Variants in OR5H1 observed in about 807,000 individuals in gnomAD.
OR5H1 encodes olfactory receptor family 5 subfamily H member 1, also known as olfactory receptor 5H1.
For missense variants in OR5H1, 378 were observed against 366.8 expected (o/e 1.03, Z -0.25); for synonymous variants, 124 against 134.4 (o/e 0.92, Z 0.54).
At chr3:98,132,635 A>G in intron 1 of OR5H1, 45 bp from the exon 2 acceptor site, 2 of 1,589,654 alleles carry the variant, frequency 1.3e-6, no homozygotes, top group Non-Finnish European at 1.7e-6. Flanking sequence ...TCAACTGATA[A>G]TGCCATTGCA....
chr3:98,138,326 C>T lies in OR5H1; in HGVS notation c.*4687C>T, dbSNP rs1038184624. On this transcript the variant is annotated 3_prime_UTR_variant, in exon 2 of 2. Coordinates refer to ENST00000641874, the MANE Select transcript of OR5H1 (RefSeq NM_001005338.2). Reference sequence around the variant, plus strand: ...TAACAACAGTTGCTAGGTGAGGGGTCGAATTTTAACAACCAGGCTTAGGTC... The same window carrying T: ...TAACAACAGTTGCTAGGTGAGGGGTTGAATTTTAACAACCAGGCTTAGGTC... 3.3e-5 allele frequency: 5 copies of T among 152,258 alleles called. No homozygotes were observed. The highest frequency in any genetic ancestry group is 1.3e-4 in the Admixed American group (2 of 15,290). The allele number at this position is 152,258 out of a possible 1,614,324, so 9.4% of individuals were successfully genotyped here.
rs1708246956 is a variant in OR5H1 at position 98,130,780 on chromosome 3, C to T, written c.-89C>T. ...TACCTGTATTATTGACATTGCTGTG[C>T]TACTGTATGTATTTTTGTTTAGAAA... On this transcript the variant is annotated 5_prime_UTR_variant, in exon 1 of 2. Transcript: ENST00000641874. 6.6e-6 allele frequency: 1 copy of T among 152,126 alleles called. No homozygotes were observed. The highest frequency in any genetic ancestry group is 1.5e-5 in the Non-Finnish European group (1 of 68,010). The allele number at this position is 152,126 out of a possible 1,614,324, so 9.4% of individuals were successfully genotyped here. A position where few individuals can be genotyped will look rare whatever the true frequency, so the allele number is the denominator to read the frequency against.
intron 1 of OR5H1, 126 bp from the exon 2 acceptor site, chr3:98,132,554 T>G: frequency 9.7e-7 from 1 of 1,028,006 alleles, no homozygotes; most frequent in Non-Finnish European, 1.4e-6. Flanking sequence ...ATTCATCAGC[T>G]ATAGGACTGA....
In OR5H1 at chr3:98,134,660, T is replaced by C. The variant is rs1461070894; in HGVS notation, c.*1021T>C. On this transcript the variant is annotated 3_prime_UTR_variant, in exon 2 of 2. Coordinates refer to ENST00000641874, the MANE Select transcript of OR5H1 (RefSeq NM_001005338.2). Reference sequence around the variant, plus strand: ...TCGGAAAGTCATTGATTGTTAACCTTCTTAACACTTCTTGTACTTCAAGTA... The same window carrying C: ...TCGGAAAGTCATTGATTGTTAACCTCCTTAACACTTCTTGTACTTCAAGTA... The C allele has an allele frequency of 6.6e-6, 1 of 152,140 alleles. No individual in the cohort carries two copies. Among genetic ancestry groups the C allele is most frequent in the Non-Finnish European group, 1.5e-5 (1 of 67,990 alleles). The allele number at this position is 152,140 out of a possible 1,614,324, so 9.4% of individuals were successfully genotyped here. A position where few individuals can be genotyped will look rare whatever the true frequency, so the allele number is the denominator to read the frequency against.
intron 1 of OR5H1, 125 bp from the exon 2 acceptor site, chr3:98,132,555 A>C (rs1576096385): frequency 1.9e-6 from 2 of 1,036,240 alleles, no homozygotes; most frequent in Non-Finnish European, 2.8e-6. Context: ...TTCATCAGCT[A>C]TAGGACTGAT....
chr3:98,133,703 T>C lies in OR5H1; in HGVS notation c.*64T>C. On this transcript the variant is annotated 3_prime_UTR_variant, in exon 2 of 2. Coordinates refer to ENST00000641874, the MANE Select transcript of OR5H1 (RefSeq NM_001005338.2). ...GCAAGTTAGAGGTACCTATGTTGTT[T>C]CCAGTGTTCAAACATTTTTGCAAGT... 1 of 1,370,316 alleles carries C rather than the reference T, an allele frequency of 7.3e-7. No individual in the cohort carries two copies. The highest frequency in any genetic ancestry group is 1.9e-5 in the Admixed American group (1 of 52,704). 84.9% of individuals were successfully genotyped at this position (1,370,316 alleles called of 1,614,324 possible). A position where few individuals can be genotyped will look rare whatever the true frequency, so the allele number is the denominator to read the frequency against.
In OR5H1 at chr3:98,132,743, G is replaced by A. The variant is rs757250352; in HGVS notation, c.46G>A (p.Gly16Arg). 3 of 1,613,332 alleles carry A rather than the reference G, an allele frequency of 1.9e-6. No homozygotes were observed. The highest frequency in any genetic ancestry group is 1.1e-5 in the South Asian group (1 of 91,026). The change falls in exon 2 of 2, where the codon GGA (glycine) becomes AGA (arginine). Residue 16 changes from glycine to arginine, a missense_variant. By Grantham distance (125) the Gly-to-Arg change is moderately radical. Coordinates refer to ENST00000641874, the MANE Select transcript of OR5H1 (RefSeq NM_001005338.2). ...ATLLTEFVLT[G>R]FLYQPQWKIP... ...ATTGCTGACAGAGTTTGTTCTCACA[G>A]GATTTTTATATCAACCACAGTGGAA...
At position 98,133,680 on chromosome 3, in the gene OR5H1, AAGT is replaced by A. The variant is rs1364454560; in HGVS notation, c.*42_*44del. On this transcript the variant is annotated 3_prime_UTR_variant, in exon 2 of 2. Transcript: ENST00000641874. ...TACAAAAATAGTCACAAAATTATGC[AAGT>A]TAGAGGTACCTATGTTGTTTCCAGT... 4.7e-6 allele frequency: 7 copies of A among 1,489,006 alleles called. No homozygotes were observed. The African/African-American group carries it at 8.3e-5, about 18-fold the overall frequency. The allele number at this position is 1,489,006 out of a possible 1,614,324, so 92.2% of individuals were successfully genotyped here.
In OR5H1 at chr3:98,133,122, TC is replaced by T. The variant is rs1238523264; in HGVS notation, c.427del (p.Arg143GlyfsTer3). 6.2e-7 allele frequency: 1 copy of T among 1,613,512 alleles called. No individual in the cohort carries two copies. The highest frequency in any genetic ancestry group is 8.5e-7 in the Non-Finnish European group (1 of 1,179,696). On this transcript the variant is annotated frameshift_variant, in exon 2 of 2. Coordinates refer to ENST00000641874, the MANE Select transcript of OR5H1 (RefSeq NM_001005338.2). LOFTEE classifies it low-confidence loss of function (END_TRUNC). ...YPAIMTNGLCIRLLILSYVGG... is the reference protein window; with the variant it reads ...YPAIMTNGLCXRLLILSYVGG... ...GCCATTATGACCAATGGACTGTGCATCCGGCTATTAATCTTGTCATATGTAG... is the reference window on the plus strand; with the variant it reads ...GCCATTATGACCAATGGACTGTGCATCGGCTATTAATCTTGTCATATGTAG...
chr3:98,136,096 A>G lies in OR5H1; in HGVS notation c.*2457A>G, dbSNP rs1177788214. On this transcript the variant is annotated 3_prime_UTR_variant, in exon 2 of 2. Coordinates refer to ENST00000641874, the MANE Select transcript of OR5H1 (RefSeq NM_001005338.2). ...CTAAGTAGATAATAAAACATCAAAG[A>G]CAATGGACAGAACTGGAATTTAATT... 1 of 152,198 alleles carries G rather than the reference A, an allele frequency of 6.6e-6. No individual in the cohort carries two copies. The highest frequency in any genetic ancestry group is 2.4e-5 in the African/African-American group (1 of 41,462). The allele number at this position is 152,198 out of a possible 1,614,324, so 9.4% of individuals were successfully genotyped here. A position where few individuals can be genotyped will look rare whatever the true frequency, so the allele number is the denominator to read the frequency against.
At chr3:98,132,556 T>C in intron 1 of OR5H1, 124 bp from the exon 2 acceptor site, 1 of 1,054,298 alleles carries the variant, frequency 9.5e-7, no homozygotes, top group South Asian at 1.6e-5. Flanking sequence ...TCATCAGCTA[T>C]AGGACTGATC....
At chr3:98,132,610 A>G in intron 1 of OR5H1, 70 bp from the exon 2 acceptor site, 2 of 1,539,332 alleles carry the variant, frequency 1.3e-6, no homozygotes, top group Non-Finnish European at 8.8e-7. Flanking sequence ...TTCCTTCAGC[A>G]CCTCTTCCCC....
rs1263734379 is a variant in OR5H1 at position 98,136,741 on chromosome 3, A to C, written c.*3102A>C. The C allele has an allele frequency of 6.6e-6, 1 of 152,092 alleles. No individual in the cohort carries two copies. The highest frequency in any genetic ancestry group is 1.5e-5 in the Non-Finnish European group (1 of 68,038). 9.4% of individuals were successfully genotyped at this position (152,092 alleles called of 1,614,324 possible). On this transcript the variant is annotated 3_prime_UTR_variant, in exon 2 of 2. Transcript: ENST00000641874. ...TAGTTCCCATGAGGGCTGGTTGATA[A>C]AAGAGCCCAGCACTCCACTCTCTCT...
rs911788796 is a variant in OR5H1, at chr3:98,133,982, C to T, written c.*343C>T. 2.3e-5 allele frequency: 5 copies of T among 222,080 alleles called. No individual in the cohort carries two copies. The East Asian group carries it at 4.7e-4, about 21-fold the overall frequency. 13.8% of individuals were successfully genotyped at this position (222,080 alleles called of 1,614,324 possible). On this transcript the variant is annotated 3_prime_UTR_variant, in exon 2 of 2. Transcript: ENST00000641874. ...TATGATGGTTTTGATACTAATACTA[C>T]TGAATTACCTGCGATATCCATCATA...
rs1708343796 is a variant in OR5H1, at chr3:98,138,453, C to T, written c.*4814C>T. ...TTTCTGAGTATAAAACAATATAAAA[C>T]AATATGAGAGGGTCTCTCTCTTCCC... On this transcript the variant is annotated 3_prime_UTR_variant, in exon 2 of 2. Transcript: ENST00000641874. 1 of 152,128 alleles carries T rather than the reference C, an allele frequency of 6.6e-6. No individual in the cohort carries two copies. The highest frequency in any genetic ancestry group is 1.5e-5 in the Non-Finnish European group (1 of 68,032). 9.4% of individuals were successfully genotyped at this position (152,128 alleles called of 1,614,324 possible).
chr3:98,132,636 T>C (rs1346170519), intron 1 of OR5H1, 44 bp from the exon 2 acceptor site: 10 of 1,590,740 alleles, frequency 6.3e-6, no homozygotes, highest in Non-Finnish European at 7.7e-6. Flanking sequence ...CAACTGATAA[T>C]GCCATTGCAA....
rs1408166467 is a variant in OR5H1, at chr3:98,137,996, T to G, written c.*4357T>G. 1 of 151,914 alleles carries G rather than the reference T, an allele frequency of 6.6e-6. No individual in the cohort carries two copies. The highest frequency in any genetic ancestry group is 1.5e-5 in the Non-Finnish European group (1 of 67,972). 9.4% of individuals were successfully genotyped at this position (151,914 alleles called of 1,614,324 possible). ...CTTGTTAACTACATTTACAGCACGTTTATGTCAGTGTAGCAGGACGAGCCG... is the reference window on the plus strand; with the variant it reads ...CTTGTTAACTACATTTACAGCACGTGTATGTCAGTGTAGCAGGACGAGCCG... On this transcript the variant is annotated 3_prime_UTR_variant, in exon 2 of 2. Transcript: ENST00000641874.
chr3:98,136,981 A>T lies in OR5H1; in HGVS notation c.*3342A>T, dbSNP rs1338667146. On this transcript the variant is annotated 3_prime_UTR_variant, in exon 2 of 2. Coordinates refer to ENST00000641874, the MANE Select transcript of OR5H1 (RefSeq NM_001005338.2). ...ATTGCAACACTAAATGGAATGAGGC[A>T]GGGCTTAATTGGATGCATAAAGTCA... 6 of 152,226 alleles carry T rather than the reference A, an allele frequency of 3.9e-5. No homozygotes were observed. The highest frequency in any genetic ancestry group is 1.4e-4 in the African/African-American group (6 of 41,462). The allele number at this position is 152,226 out of a possible 1,614,324, so 9.4% of individuals were successfully genotyped here. A position where few individuals can be genotyped will look rare whatever the true frequency, so the allele number is the denominator to read the frequency against.
In OR5H1 at chr3:98,138,336, C is replaced by A. The variant is rs1161441334; in HGVS notation, c.*4697C>A. 1 of 152,202 alleles carries A rather than the reference C, an allele frequency of 6.6e-6. No individual in the cohort carries two copies. The highest frequency in any genetic ancestry group is 1.9e-4 in the East Asian group (1 of 5,194). The allele number at this position is 152,202 out of a possible 1,614,324, so 9.4% of individuals were successfully genotyped here. Reference sequence around the variant, plus strand: ...TGCTAGGTGAGGGGTCGAATTTTAACAACCAGGCTTAGGTCAGGCAGGCCC... The same window carrying A: ...TGCTAGGTGAGGGGTCGAATTTTAAAAACCAGGCTTAGGTCAGGCAGGCCC... On this transcript the variant is annotated 3_prime_UTR_variant, in exon 2 of 2. Transcript: ENST00000641874.
Sources: allele counts gnomAD v4.1 joint callset, GRCh38; gene constraint gnomAD v4.1.1; transcripts MANE v1.5; gene names NCBI Gene and HGNC (gene_info 2026-07-23, HGNC 2026-07-21).